SNX4: variants seen among roughly 807,000 people sequenced by gnomAD.
SNX4 encodes the protein sorting nexin-4.
Under a neutral mutation model 70.8 loss-of-function variants are expected in SNX4, and 49 were observed. The ratio of observed to expected loss-of-function variants is 0.69; its 90% CI spans 0.55 to 0.88. SNX4 has a LOEUF of 0.88. Among genes scored for constraint, SNX4 ranks in the 40% least tolerant of loss-of-function variants. The pLI is 0.00. For missense variants in SNX4, 528 were observed against 544.8 expected, an observed-to-expected ratio of 0.97 and a Z score of 0.31; for synonymous variants, 206 against 183.8, an observed-to-expected ratio of 1.12 and a Z score of -0.98.
At chr3:125,517,905 G>A (rs1935316335) in intron 1 of SNX4, among the ~76,000 whole-genome samples, 1 of 151,930 alleles carries the variant, frequency 6.6e-6, no homozygotes, top group Non-Finnish European at 1.5e-5. Context: ...GAGCCTGGGA[G>A]GCAGAGGTCT....
At chr3:125,463,391 G>A (rs978741572) in intron 9 of SNX4, among the ~76,000 whole-genome samples, 9 of 152,154 alleles carry the variant, frequency 5.9e-5, no homozygotes, top group African/African-American at 2.2e-4. Flanking sequence ...GAAACACAGT[G>A]TAGGGAGAAA....
chr3:125,447,550 CT>C lies in SNX4; in HGVS notation c.*228del. 1 of 381,854 alleles carries C rather than the reference CT, an allele frequency of 2.6e-6. No individual in the cohort carries two copies. Among genetic ancestry groups the C allele is most frequent in the East Asian group, 4.5e-5 (1 of 22,330 alleles). The allele number at this position is 381,854 out of a possible 1,614,324, so 23.7% of individuals were successfully genotyped here. ...CTGTTGGTATATATTATTAAATTAA[CT>C]TTTTGGAATCAGCACCAGTCCCCAA... On this transcript the variant is annotated 3_prime_UTR_variant, in exon 14 of 14. Coordinates refer to ENST00000251775, the MANE Select transcript of SNX4 (RefSeq NM_003794.4).
chr3:125,451,038 G>A lies in SNX4; in HGVS notation c.1305+267C>T, dbSNP rs192027614. ...TGCAGCACTTTGGGAGGCCGAGGCA[G>A]GAGGACTATATGAGGCCAGGAGTTC... On this transcript the variant is annotated intron_variant, in intron 13 of 13. Transcript: ENST00000251775. 2.0e-3 allele frequency among the ~76,000 whole-genome samples: 302 copies of A among 152,260 alleles called. 2 individuals carry two copies. The highest frequency in any genetic ancestry group is 6.7e-3 in the African/African-American group (280 of 41,558).
intron 6 of SNX4, among the ~76,000 whole-genome samples, chr3:125,484,900 TA>T (rs946460784): frequency 1.3e-5 from 2 of 151,922 alleles, no homozygotes; most frequent in Admixed American, 1.3e-4. Flanking sequence ...ACCCCGTCTT[TA>T]CTAAAAATAC....
chr3:125,489,357 G>T, intron 6 of SNX4, 51 bp downstream of exon 6: 1 of 1,321,478 alleles, frequency 7.6e-7, no homozygotes, highest in Non-Finnish European at 1.1e-6. Flanking sequence ...TAAATAGATT[G>T]ATAGCACCAT....
chr3:125,478,251 TGTATTTTTA>T (rs547546971), intron 7 of SNX4, among the ~76,000 whole-genome samples: 62 of 151,870 alleles, frequency 4.1e-4, no homozygotes, highest in African/African-American at 1.4e-3. Context: ...AGCTAGTTTT[TGTATTTTTA>T]GTAAAGACCA....
intron 9 of SNX4, 27 bp from the exon 10 acceptor site, chr3:125,460,887 G>C: frequency 1.0e-6 from 1 of 964,736 alleles, no homozygotes; most frequent in Non-Finnish European, 1.5e-6. Context: ...AACACACATT[G>C]CATAGAGTTA....
intron 8 of SNX4, among the ~76,000 whole-genome samples, chr3:125,475,329 A>AT (rs1441229945): frequency 4.6e-5 from 7 of 152,118 alleles, no homozygotes; most frequent in South Asian, 2.1e-4. Flanking sequence ...AGAAATGAGA[A>AT]TTTTTTTTCC....
intron 4 of SNX4, 86 bp from the exon 5 acceptor site, chr3:125,497,474 T>C: frequency 2.2e-6 from 2 of 916,896 alleles, no homozygotes; most frequent in Non-Finnish European, 3.5e-6. Flanking sequence ...ATTCTGTTCT[T>C]ACTTCAGCAG....
At chr3:125,460,019 C>A (rs1467319676) in intron 10 of SNX4, among the ~76,000 whole-genome samples, 1 of 151,730 alleles carries the variant, frequency 6.6e-6, no homozygotes, top group Non-Finnish European at 1.5e-5. Context: ...AACGGTGAAA[C>A]CCTGTCTCTA....
chr3:125,497,815 C>T lies in SNX4; in HGVS notation c.549+19G>A. ...AAATTAAATGAATATTTTACTAAGA[C>T]TAAATAAAAGAAAAATACCTGTGTT... On this transcript the variant is annotated intron_variant, in intron 4 of 13. Transcript: ENST00000251775. 6.5e-7 allele frequency: 1 copy of T among 1,536,950 alleles called. No homozygotes were observed. The highest frequency in any genetic ancestry group is 8.8e-7 in the Non-Finnish European group (1 of 1,138,112).
chr3:125,498,381 G>A (rs1934857621), intron 2 of SNX4, among the ~76,000 whole-genome samples, 187 bp from the exon 3 acceptor site: 1 of 152,108 alleles, frequency 6.6e-6, no homozygotes, highest in Non-Finnish European at 1.5e-5. Context: ...GTGCAGTGGT[G>A]CAATCACCAC....
At chr3:125,454,390 G>A (rs768400673) in intron 11 of SNX4, among the ~76,000 whole-genome samples, 4 of 152,182 alleles carry the variant, frequency 2.6e-5, no homozygotes, top group South Asian at 2.1e-4. Flanking sequence ...TCCAGGTTGT[G>A]TGTTCCTTGT....
intron 3 of SNX4, 37 bp downstream of exon 3, chr3:125,498,022 C>T (rs767337450): frequency 1.6e-5 from 26 of 1,613,832 alleles, no homozygotes; most frequent in Non-Finnish European, 1.0e-5. Context: ...AGTCTCAATG[C>T]TGAATACTTC....
chr3:125,520,110 GC>G lies in SNX4; in HGVS notation c.62del (p.Gly21AlafsTer28). On this transcript the variant is annotated frameshift_variant, in exon 1 of 14. Coordinates refer to ENST00000251775, the MANE Select transcript of SNX4 (RefSeq NM_003794.4). LOFTEE classifies it high-confidence loss of function. ...QLQPAPLEPL[G>X]SPDAGLGAAV... ...CAGCCCCCAGCCCAGCGTCTGGGGAGCCCAGCGGCTCCAAGGGCGCCGGCTG... is the reference window on the plus strand; with the variant it reads ...CAGCCCCCAGCCCAGCGTCTGGGGAGCCAGCGGCTCCAAGGGCGCCGGCTG... 6.7e-7 allele frequency: 1 copy of G among 1,498,162 alleles called. No homozygotes were observed. Among genetic ancestry groups the G allele is most frequent in the Non-Finnish European group, 8.9e-7 (1 of 1,128,464 alleles). The allele number at this position is 1,498,162 out of a possible 1,614,324, so 92.8% of individuals were successfully genotyped here. A position where few individuals can be genotyped will look rare whatever the true frequency, so the allele number is the denominator to read the frequency against.
intron 1 of SNX4, among the ~76,000 whole-genome samples, chr3:125,514,389 C>CTTTT (rs57357708): frequency 7.1e-5 from 9 of 127,140 alleles, no homozygotes; most frequent in Non-Finnish European, 1.3e-4. Context: ...GTGACCAACA[C>CTTTT]TTTTTTTTTT....
Position 125,497,427 on chromosome 3 carries a change from A to G in SNX4, c.550-39T>C, listed in dbSNP as rs145083208. 181 of 1,201,768 alleles carry G rather than the reference A, an allele frequency of 1.5e-4. 2 individuals are homozygous for G. In the Admixed American group the frequency reaches 3.1e-3, roughly 20 times the overall value. 74.4% of individuals were successfully genotyped at this position (1,201,768 alleles called of 1,614,324 possible). On this transcript the variant is annotated intron_variant, in intron 4 of 13. Transcript: ENST00000251775. ...TTAATTTTAGAAATCATTATTGCAA[A>G]GCAAATATTCCAAATTAAGTAAATT...
intron 2 of SNX4, among the ~76,000 whole-genome samples, chr3:125,501,761 A>G (rs1934936133): frequency 6.6e-6 from 1 of 152,224 alleles, no homozygotes; most frequent in Non-Finnish European, 1.5e-5. Flanking sequence ...GTTTTTAAGT[A>G]TAAAATCCAT....
intron 9 of SNX4, among the ~76,000 whole-genome samples, chr3:125,466,355 A>G (rs1445041307): frequency 6.6e-6 from 1 of 151,942 alleles, no homozygotes; most frequent in African/African-American, 2.4e-5. Context: ...AAAAAAAAAA[A>G]AAAGAAAACC....
Sources: allele counts gnomAD v4.1 joint callset (sites outside exome capture counted in the v4.1 genomes callset), GRCh38; gene constraint gnomAD v4.1.1; transcripts MANE v1.5; gene names NCBI Gene and HGNC (gene_info 2026-07-23, HGNC 2026-07-21).